DDX10: variants seen among roughly 807,000 people sequenced by gnomAD.
DDX10 encodes DEAD-box helicase 10.
A neutral mutation model predicts 104.3 loss-of-function variants in DDX10; 74 were observed. The ratio of observed to expected loss-of-function variants is 0.71; its 90% CI spans 0.59 to 0.86. The LOEUF (loss-of-function observed/expected upper bound fraction) is 0.86, where lower values mean the gene tolerates loss of function less well. Ranked by LOEUF, DDX10 falls within the 40% of genes least tolerant of loss-of-function variation. The pLI is 0.00. For synonymous variants in DDX10, 351 were observed against 353.4 expected, an observed-to-expected ratio of 0.99 and a Z score of 0.08; for missense variants, 952 against 1,040.0, an observed-to-expected ratio of 0.92 and a Z score of 1.16.
chr11:108,924,423 C>T (rs1863881541), intron 17 of DDX10, among the ~76,000 whole-genome samples: 1 of 152,142 alleles, frequency 6.6e-6, no homozygotes, highest in Non-Finnish European at 1.5e-5. Flanking sequence ...GGATTGATAC[C>T]TTTTCCAGTA....
At chr11:108,785,657 T>C (rs1318812378) in intron 13 of DDX10, among the ~76,000 whole-genome samples, 3 of 152,202 alleles carry the variant, frequency 2.0e-5, no homozygotes, top group African/African-American at 4.8e-5. Flanking sequence ...TGGTTCAATC[T>C]TGAGGTTTTG....
At chr11:108,840,414 TAAAAC>T (rs144885902) in intron 14 of DDX10, among the ~76,000 whole-genome samples, 18,805 of 152,142 alleles carry the variant, frequency 0.12, 1,355 homozygotes, top group East Asian at 0.25. Flanking sequence ...AATTATTAGA[TAAAAC>T]AAGAGTTATT....
chr11:108,877,564 T>G (rs1279187972), intron 16 of DDX10, among the ~76,000 whole-genome samples: 1 of 152,224 alleles, frequency 6.6e-6, no homozygotes, highest in Admixed American at 6.5e-5. Context: ...AGATATTTAT[T>G]GTGTTACCAA....
At chr11:108,824,427 A>G (rs1327579524) in intron 13 of DDX10, among the ~76,000 whole-genome samples, 1 of 152,194 alleles carries the variant, frequency 6.6e-6, no homozygotes, top group Non-Finnish European at 1.5e-5. Flanking sequence ...GACACAAGTT[A>G]TCTTTACTTT....
At chr11:108,718,032 G>T (rs917308763) in intron 11 of DDX10, among the ~76,000 whole-genome samples, 1 of 152,154 alleles carries the variant, frequency 6.6e-6, no homozygotes, top group Non-Finnish European at 1.5e-5. Flanking sequence ...GGGTGTGGTG[G>T]TGCATGCCTG....
intron 13 of DDX10, among the ~76,000 whole-genome samples, chr11:108,747,110 A>G (rs1467372966): frequency 6.6e-6 from 1 of 152,172 alleles, no homozygotes; most frequent in Non-Finnish European, 1.5e-5. Context: ...ACATATATAT[A>G]TAAGAGAATA....
chr11:108,863,027 A>G (rs1370079302), intron 16 of DDX10, among the ~76,000 whole-genome samples: 3 of 152,246 alleles, frequency 2.0e-5, no homozygotes, highest in African/African-American at 7.2e-5. Flanking sequence ...ATGAGGAGGC[A>G]TATTCATTTG....
intron 15 of DDX10, among the ~76,000 whole-genome samples, chr11:108,841,869 A>G (rs1433917573): frequency 6.6e-6 from 1 of 152,150 alleles, no homozygotes; most frequent in East Asian, 1.9e-4. Flanking sequence ...GCTTTTTGGA[A>G]TTGGCTTTTT....
chr11:108,848,911 T>C (rs1311447714), intron 15 of DDX10, among the ~76,000 whole-genome samples: 2 of 152,152 alleles, frequency 1.3e-5, no homozygotes, highest in Non-Finnish European at 2.9e-5. Flanking sequence ...TTTTGCCCAT[T>C]ATATGTATGC....
intron 13 of DDX10, among the ~76,000 whole-genome samples, chr11:108,760,576 T>G (rs917324686): frequency 6.6e-6 from 1 of 152,092 alleles, no homozygotes; most frequent in Admixed American, 6.6e-5. Flanking sequence ...GTGAATAATT[T>G]CCTTTAAATG....
chr11:108,936,544 C>A (rs1864040027), intron 17 of DDX10, among the ~76,000 whole-genome samples: 1 of 152,040 alleles, frequency 6.6e-6, no homozygotes, highest in South Asian at 2.1e-4. Flanking sequence ...ATCTTCCAAA[C>A]CTTTTTCTAT....
At chr11:108,715,188 TATG>T (rs2094289838) in intron 10 of DDX10, among the ~76,000 whole-genome samples, 1 of 152,112 alleles carries the variant, frequency 6.6e-6, no homozygotes, top group African/African-American at 2.4e-5. Context: ...AAATTGATTT[TATG>T]ATATTTGACT....
intron 13 of DDX10, among the ~76,000 whole-genome samples, chr11:108,785,235 T>C (rs1440015255): frequency 2.0e-5 from 3 of 152,194 alleles, no homozygotes; most frequent in Non-Finnish European, 1.5e-5. Context: ...CATTTATTGA[T>C]TTGTGTATGT....
intron 16 of DDX10, among the ~76,000 whole-genome samples, chr11:108,886,783 T>C (rs1351300288): frequency 6.6e-6 from 1 of 152,222 alleles, no homozygotes; most frequent in East Asian, 1.9e-4. Context: ...CTTGTGTCGT[T>C]GTTTTCCAGC....
At chr11:108,887,211 C>T (rs974920237) in intron 16 of DDX10, among the ~76,000 whole-genome samples, 5 of 151,920 alleles carry the variant, frequency 3.3e-5, no homozygotes, top group South Asian at 2.1e-4. Context: ...CCATGTTGTA[C>T]GTGGCCCATT....
At chr11:108,771,648 A>G (rs544752890) in intron 13 of DDX10, among the ~76,000 whole-genome samples, 1 of 152,076 alleles carries the variant, frequency 6.6e-6, no homozygotes, top group South Asian at 2.1e-4. Flanking sequence ...TGAGAAGGAG[A>G]CTTGGTTCTG....
intron 7 of DDX10, chr11:108,690,701 T>C: frequency 5.5e-6 from 1 of 182,980 alleles, no homozygotes; most frequent in Non-Finnish European, 1.1e-5. Flanking sequence ...TGAAACCTCA[T>C]TCTTGAGAGA....
chr11:108,905,294 G>A (rs1863577098), intron 16 of DDX10, among the ~76,000 whole-genome samples: 1 of 107,116 alleles, frequency 9.3e-6, no homozygotes, highest in Non-Finnish European at 1.8e-5. Flanking sequence ...TTATTATAAG[G>A]TACTATTAGA....
chr11:108,899,093 G>T (rs530662218), intron 16 of DDX10, among the ~76,000 whole-genome samples: 2 of 152,112 alleles, frequency 1.3e-5, no homozygotes, highest in African/African-American at 2.4e-5. Context: ...GTGTCTCTGC[G>T]TTATCTCTCA....
Sources: gnomAD v4.1 joint callset for allele counts (sites outside exome capture counted in the v4.1 genomes callset) on GRCh38, gnomAD v4.1.1 for gene constraint, MANE v1.5 for transcripts, NCBI Gene and HGNC (gene_info 2026-07-23, HGNC 2026-07-21) for gene names.